The following NOTCH2 variants were observed in gnomAD, a reference collection of about 807,000 sequenced individuals.
NOTCH2 encodes the protein neurogenic locus notch homolog protein 2.
Under a neutral mutation model 235.8 loss-of-function variants are expected in NOTCH2, and 29 were observed. The observed-to-expected ratio is 0.12, with a 90% CI of 0.09 to 0.17. The LOEUF is 0.17. Among genes scored for constraint, NOTCH2 ranks in the 10% least tolerant of loss-of-function variants. NOTCH2 has a pLI of 1.00. For synonymous variants in NOTCH2, 1,086 were observed against 1,141.5 expected, an observed-to-expected ratio of 0.95 and a Z score of 0.98; for missense variants, 2,285 against 3,150.2, an observed-to-expected ratio of 0.73 and a Z score of 6.57.
Position 119,941,549 on chromosome 1 carries a change from G to T in NOTCH2, c.2958C>A (p.Asn986Lys). 1 of 1,613,812 alleles carries T rather than the reference G, an allele frequency of 6.2e-7. No homozygotes were observed. Among genetic ancestry groups the T allele is most frequent in the Non-Finnish European group, 8.5e-7 (1 of 1,179,758 alleles). The part of the protein sequence containing the change: ...QAGFDGVHCE[N>K]NINECTESSC... Reference sequence around the variant, plus strand: ...ACCTCTCAGTGCACTCATTGATGTTGTTCTCACAATGGACTCCATCAAATC... The same window carrying T: ...ACCTCTCAGTGCACTCATTGATGTTTTTCTCACAATGGACTCCATCAAATC... The change falls in exon 18 of 34, where the codon AAC becomes AAA. Residue 986 changes from asparagine to lysine, a missense_variant. Around this residue, in one of 6 missense-constraint regions of NOTCH2, gnomAD observed 1,173 missense variants for 1,515.3 expected, o/e 0.77. Transcript: ENST00000256646.
At position 120,011,888 on chromosome 1, in the gene NOTCH2, C is replaced by T. The variant is rs1317701686; in HGVS notation, c.156-6300G>A. On this transcript the variant is annotated intron_variant, in intron 2 of 33. Coordinates refer to ENST00000256646, the MANE Select transcript of NOTCH2 (RefSeq NM_024408.4). ...AAAATTAGCCAGGCGTGGTGGCGGG[C>T]GCCTGTAGTCCCAGCTACTCGGGAG... Among the ~76,000 whole-genome samples the T allele has an allele frequency of 5.8e-3, 876 of 150,134 alleles. 3 individuals are homozygous for T. The highest frequency in any genetic ancestry group is 0.021 in the African/African-American group (848 of 40,752).
intron 3 of NOTCH2, among the ~76,000 whole-genome samples, chr1:120,003,794 A>T (rs1553205876): frequency 6.6e-6 from 1 of 151,676 alleles, no homozygotes; most frequent in Non-Finnish European, 1.5e-5. Context: ...ACTAAGACAC[A>T]GTTTTAAATA....
intron 3 of NOTCH2, among the ~76,000 whole-genome samples, chr1:120,000,532 CAAAA>C (rs1183950511): frequency 2.8e-5 from 1 of 35,584 alleles, no homozygotes; most frequent in Non-Finnish European, 5.5e-5. Context: ...TACTCCATCT[CAAAA>C]AAAAAAAAAA....
Position 120,004,700 on chromosome 1 carries a change from C to T in NOTCH2, c.415+629G>A, listed in dbSNP as rs587701311. On this transcript the variant is annotated intron_variant, in intron 3 of 33. Transcript: ENST00000256646. Reference sequence around the variant, plus strand: ...ATTTCTAAAAGCAAATAGTCAATAACTTCAGCAACTTTTCCTCTGGTGACA... The same window carrying T: ...ATTTCTAAAAGCAAATAGTCAATAATTTCAGCAACTTTTCCTCTGGTGACA... Among the ~76,000 whole-genome samples, 89 of 152,344 alleles carry T rather than the reference C, an allele frequency of 5.8e-4. 1 individual carries two copies. Among genetic ancestry groups the T allele is most frequent in the African/African-American group, 2.1e-3 (88 of 41,572 alleles).
chr1:120,064,654 A>T (rs1331170530), intron 1 of NOTCH2, among the ~76,000 whole-genome samples: 1 of 148,802 alleles, frequency 6.7e-6, no homozygotes, highest in South Asian at 2.2e-4. Flanking sequence ...ATCATGTGGC[A>T]GAGACAACTC....
At chr1:120,037,267 T>C (rs1359569835) in intron 1 of NOTCH2, among the ~76,000 whole-genome samples, 1 of 150,238 alleles carries the variant, frequency 6.7e-6, no homozygotes, top group East Asian at 1.9e-4. Flanking sequence ...TCAATGTTTA[T>C]GCAAATTTCA....
chr1:120,056,899 CAA>C (rs1553215362), intron 1 of NOTCH2, among the ~76,000 whole-genome samples: 1 of 94,752 alleles, frequency 1.1e-5, no homozygotes, highest in Non-Finnish European at 1.8e-5. Context: ...AAAAATAAAA[CAA>C]AATCTGTGAA....
intron 13 of NOTCH2, among the ~76,000 whole-genome samples, chr1:119,954,762 A>C (rs1553198204): frequency 6.6e-6 from 1 of 152,238 alleles, no homozygotes; most frequent in African/African-American, 2.4e-5. Flanking sequence ...CCAAAGATTC[A>C]TACAATGAGT....
intron 17 of NOTCH2, among the ~76,000 whole-genome samples, chr1:119,944,844 C>A (rs1389165674): frequency 6.6e-6 from 1 of 151,968 alleles, no homozygotes; most frequent in African/African-American, 2.4e-5. Context: ...GACTTCATCA[C>A]CAGGAGACAA....
In NOTCH2 at chr1:119,923,668, G is replaced by T. The variant is rs768613152; in HGVS notation, c.4828C>A (p.Leu1610Ile). 6.2e-7 allele frequency: 1 copy of T among 1,614,150 alleles called. No homozygotes were observed. The highest frequency in any genetic ancestry group is 8.5e-7 in the Non-Finnish European group (1 of 1,180,018). Residue 1610 changes from leucine (L) to isoleucine (I), a missense_variant, in exon 26 of 34, where the codon CTT becomes ATT. Around this residue, in one of 6 missense-constraint regions of NOTCH2, gnomAD observed 1,173 missense variants for 1,515.3 expected, o/e 0.77. Transcript: ENST00000256646. ...MKKQRMTRRS[L>I]PGEQEQEVAG... ...ACCTCCTGTTCTTGTTCACCAGGAA[G>T]GGATCTGCGTGTCATCCTCTGTTTC...
chr1:119,945,011 A>G (rs587762513), intron 17 of NOTCH2, among the ~76,000 whole-genome samples: 2 of 152,302 alleles, frequency 1.3e-5, no homozygotes, highest in South Asian at 4.1e-4. Flanking sequence ...CTTGAAAAAA[A>G]TTGACCTTTT....
chr1:120,007,621 C>T (rs1405182216), intron 2 of NOTCH2, among the ~76,000 whole-genome samples: 16 of 151,462 alleles, frequency 1.1e-4, no homozygotes, highest in African/African-American at 2.2e-4. Flanking sequence ...ACCCGGGAGG[C>T]GGAGGTTGCA....
In NOTCH2 at chr1:119,916,133, G is replaced by T. The variant is rs1649058375; in HGVS notation, c.6589C>A (p.His2197Asn). The change falls in exon 34 of 34, where the codon CAT becomes AAT. Residue 2197 changes from histidine to asparagine, a missense_variant. His to Asn is a moderately conservative substitution (Grantham distance 68). This residue lies in a region of NOTCH2 where 504 missense variants were observed against 538.0 expected (regional missense o/e 0.94). Coordinates refer to ENST00000256646, the MANE Select transcript of NOTCH2 (RefSeq NM_024408.4). ...TGAAGGTTAGAAAAAGATAGTGCAT[G>T]CTGGGCATGGACTGGGGCAGGAGGG... Reference protein sequence around the residue: ...AAPPAPVHAQHALSFSNLHEM... With the variant: ...AAPPAPVHAQNALSFSNLHEM... The T allele has an allele frequency of 1.2e-6, 2 of 1,614,098 alleles. No homozygotes were observed. Among genetic ancestry groups the T allele is most frequent in the African/African-American group, 2.7e-5 (2 of 74,948 alleles).
At chr1:119,998,685 TTTATTA>T (rs758113130) in intron 3 of NOTCH2, among the ~76,000 whole-genome samples, 9 of 150,086 alleles carry the variant, frequency 6.0e-5, no homozygotes, top group African/African-American at 1.7e-4. Flanking sequence ...TCCTTGAATT[TTTATTA>T]TTATTATTAT....
At chr1:119,995,485 G>T (rs1652403651) in intron 4 of NOTCH2, 1 of 152,160 alleles carries the variant, frequency 6.6e-6, no homozygotes, top group Non-Finnish European at 1.5e-5. Context: ...AGAGATATTT[G>T]CAATATTGAA....
intron 10 of NOTCH2, among the ~76,000 whole-genome samples, chr1:119,964,161 A>T (rs1651049732): frequency 6.6e-6 from 1 of 152,170 alleles, no homozygotes; most frequent in Non-Finnish European, 1.5e-5. Flanking sequence ...TTTCTTCCCA[A>T]GTCCAATATA....
rs774262327 is a variant in NOTCH2 at position 119,916,562 on chromosome 1, T to C, written c.6160A>G (p.Met2054Val). The change falls in exon 34 of 34, where the codon ATG becomes GTG. Residue 2054 changes from methionine (M) to valine (V), a missense_variant. Coordinates refer to ENST00000256646, the MANE Select transcript of NOTCH2 (RefSeq NM_024408.4). ...RLPRDVARDRMHHDIVRLLDE... is the reference protein window; with the variant it reads ...RLPRDVARDRVHHDIVRLLDE... ...AGAAGGCGCACAATGTCATGGTGCATGCGATCCCGAGCCACATCCCGGGGA... is the reference window on the plus strand; with the variant it reads ...AGAAGGCGCACAATGTCATGGTGCACGCGATCCCGAGCCACATCCCGGGGA... 5.6e-6 allele frequency: 9 copies of C among 1,614,008 alleles called. No homozygotes were observed. Among genetic ancestry groups the C allele is most frequent in the Non-Finnish European group, 3.4e-6 (4 of 1,180,026 alleles).
At chr1:119,957,715 T>C (rs1650757799) in intron 12 of NOTCH2, among the ~76,000 whole-genome samples, 1 of 152,138 alleles carries the variant, frequency 6.6e-6, no homozygotes, top group Non-Finnish European at 1.5e-5. Flanking sequence ...TTTTAGAATA[T>C]TTTTAGCCTA....
intron 5 of NOTCH2, among the ~76,000 whole-genome samples, chr1:119,984,019 T>A (rs1332793540): frequency 6.6e-6 from 1 of 152,210 alleles, no homozygotes; most frequent in Non-Finnish European, 1.5e-5. Flanking sequence ...AAATAGTTAA[T>A]GCTTCAAGTC....
Sources: allele counts gnomAD v4.1 joint callset (sites outside exome capture counted in the v4.1 genomes callset), GRCh38; gene constraint gnomAD v4.1.1; regional missense constraint gnomAD v4.1.1; transcripts MANE v1.5; gene names NCBI Gene and HGNC (gene_info 2026-07-23, HGNC 2026-07-21).